CTNNA3: variants seen among roughly 807,000 people sequenced by gnomAD.
CTNNA3 encodes the protein catenin alpha 3.
A neutral mutation model predicts 95.7 loss-of-function variants in CTNNA3; 76 were observed. The observed-to-expected ratio is 0.79, with a 90% CI of 0.66 to 0.96. The LOEUF (loss-of-function observed/expected upper bound fraction) is 0.96, where lower values mean the gene tolerates loss of function less well. Ranked by LOEUF, CTNNA3 falls within the 40% of genes least tolerant of loss-of-function variation. The pLI, the probability that CTNNA3 is intolerant of heterozygous loss-of-function variation, is 0.00. For missense variants in CTNNA3, 1,191 were observed against 1,089.8 expected (o/e 1.09, Z -1.31); for synonymous variants, 431 against 374.4 (o/e 1.15, Z -1.74).
At chr10:66,962,864 A>T (rs1418092922) in intron 7 of CTNNA3, among the ~76,000 whole-genome samples, 2 of 152,102 alleles carry the variant, frequency 1.3e-5, no homozygotes, top group African/African-American at 2.4e-5. Context: ...TCATTTGTTT[A>T]TCTGTCTTGC....
chr10:67,316,550 C>CT (rs1026098894), intron 5 of CTNNA3, among the ~76,000 whole-genome samples: 1 of 151,972 alleles, frequency 6.6e-6, no homozygotes, highest in Non-Finnish European at 1.5e-5. Context: ...CAAGATCTTG[C>CT]TTTTTTGGGT....
chr10:66,708,122 C>T (rs1380046367), intron 9 of CTNNA3, among the ~76,000 whole-genome samples: 1 of 151,844 alleles, frequency 6.6e-6, no homozygotes, highest in Non-Finnish European at 1.5e-5. Context: ...TTGCCACTAA[C>T]TATAAAACAC....
intron 5 of CTNNA3, among the ~76,000 whole-genome samples, chr10:67,269,064 T>C (rs564222465): frequency 6.6e-6 from 1 of 152,158 alleles, no homozygotes. Context: ...GTATGGCACA[T>C]GTGAGTGCAG....
intron 3 of CTNNA3, among the ~76,000 whole-genome samples, chr10:67,584,403 G>A (rs1355955745): frequency 6.6e-6 from 1 of 152,186 alleles, no homozygotes; most frequent in Admixed American, 6.5e-5. Context: ...AACGGCAAAT[G>A]TTGCTGCCTG....
chr10:66,377,913 A>T (rs942044607), intron 12 of CTNNA3, among the ~76,000 whole-genome samples: 3 of 152,162 alleles, frequency 2.0e-5, no homozygotes, highest in African/African-American at 7.2e-5. Flanking sequence ...GGATATAGCA[A>T]TATAAATTTA....
At chr10:67,746,664 C>T (rs1293455794) in intron 1 of CTNNA3, among the ~76,000 whole-genome samples, 1 of 152,130 alleles carries the variant, frequency 6.6e-6, no homozygotes, top group Non-Finnish European at 1.5e-5. Context: ...GGAAACCACG[C>T]TTTTTCCATG....
chr10:66,646,490 T>A (rs902443506), intron 9 of CTNNA3, among the ~76,000 whole-genome samples: 1 of 152,128 alleles, frequency 6.6e-6, no homozygotes, highest in Non-Finnish European at 1.5e-5. Context: ...AGTAGAAGAC[T>A]GTCAATAAAG....
intron 17 of CTNNA3, among the ~76,000 whole-genome samples, chr10:65,960,668 C>T (rs532300861): frequency 5.8e-4 from 88 of 152,248 alleles, no homozygotes; most frequent in African/African-American, 2.0e-3. Flanking sequence ...AGCTCTTACC[C>T]CTCTCCCTCT....
intron 15 of CTNNA3, among the ~76,000 whole-genome samples, chr10:66,021,852 C>CTCTTTTTTTTTTTTTTTT (rs2079218983): frequency 1.3e-5 from 1 of 75,952 alleles, no homozygotes. Flanking sequence ...AGGATCTTGG[C>CTCTTTTTTTTTTTTTTTT]TTTTTTTTTT....
At chr10:66,346,644 G>T (rs565720372) in intron 12 of CTNNA3, among the ~76,000 whole-genome samples, 19 of 152,202 alleles carry the variant, frequency 1.2e-4, no homozygotes, top group African/African-American at 4.6e-4. Flanking sequence ...CATAAATTTT[G>T]TATGACCAGT....
At chr10:65,977,786 A>ACG in intron 16 of CTNNA3, among the ~76,000 whole-genome samples, 1 of 151,938 alleles carries the variant, frequency 6.6e-6, no homozygotes. Flanking sequence ...CTCAAAAATT[A>ACG]AAAAAATAAT....
chr10:67,501,061 G>A (rs11497966), intron 5 of CTNNA3, among the ~76,000 whole-genome samples: 10,960 of 152,210 alleles, frequency 0.072, 480 homozygotes, highest in South Asian at 0.14. Flanking sequence ...TCATAGTGCC[G>A]ATGGTCTTTA....
chr10:67,612,987 A>T lies in CTNNA3; in HGVS notation c.100-5938T>A, dbSNP rs147595592. On this transcript the variant is annotated intron_variant, in intron 2 of 17. Coordinates refer to ENST00000433211, the MANE Select transcript of CTNNA3 (RefSeq NM_013266.4). ...ACTAGAGCCGTCTCTTGAAAATGTA[A>T]ATCTCTCATATTTGCACTACCTGTA... Among the ~76,000 whole-genome samples the T allele has an allele frequency of 6.1e-4, 93 of 152,266 alleles. 2 individuals carry two copies. The highest frequency in any genetic ancestry group is 2.1e-3 in the African/African-American group (88 of 41,540).
At chr10:66,382,708 G>A (rs957657578) in intron 11 of CTNNA3, among the ~76,000 whole-genome samples, 31 of 152,070 alleles carry the variant, frequency 2.0e-4, no homozygotes, top group Non-Finnish European at 1.3e-4. Context: ...TCATATAGGC[G>A]GCTGCCCCTC....
chr10:67,075,358 T>C (rs191036919), intron 7 of CTNNA3, among the ~76,000 whole-genome samples: 3 of 152,276 alleles, frequency 2.0e-5, no homozygotes, highest in Admixed American at 2.0e-4. Flanking sequence ...ATTCCACCAT[T>C]AGGAAAAGAG....
chr10:67,474,770 A>G (rs78507596), intron 5 of CTNNA3, among the ~76,000 whole-genome samples: 3,499 of 152,340 alleles, frequency 0.023, 104 homozygotes, highest in African/African-American at 0.068. Flanking sequence ...TAAAAGTCTT[A>G]CTACAAAATG....
chr10:67,398,211 T>C (rs1441230235), intron 5 of CTNNA3, among the ~76,000 whole-genome samples: 2 of 152,178 alleles, frequency 1.3e-5, no homozygotes, highest in African/African-American at 4.8e-5. Context: ...CCAGGAGGGT[T>C]GCTATACCCT....
intron 15 of CTNNA3, among the ~76,000 whole-genome samples, chr10:66,068,853 A>C (rs2080368950): frequency 1.3e-5 from 2 of 152,320 alleles, no homozygotes; most frequent in African/African-American, 4.8e-5. Context: ...GGCTATCATT[A>C]AGTGATTATA....
chr10:66,100,539 C>T (rs10430505), intron 14 of CTNNA3, among the ~76,000 whole-genome samples: 27,672 of 152,090 alleles, frequency 0.18, 2,749 homozygotes, highest in South Asian at 0.35. Flanking sequence ...TTTCACCCAG[C>T]GGCATTCCGA....
Sources: allele counts gnomAD v4.1 joint callset (sites outside exome capture counted in the v4.1 genomes callset), GRCh38; gene constraint gnomAD v4.1.1; transcripts MANE v1.5; gene names NCBI Gene and HGNC (gene_info 2026-07-23, HGNC 2026-07-21).